Variants in HPS3 observed in about 807,000 individuals in gnomAD.
HPS3 encodes the protein HPS3 biogenesis of lysosomal organelles complex 2 subunit 1.
Under a neutral mutation model 110.9 loss-of-function variants are expected in HPS3, and 79 were observed. The observed-to-expected ratio is 0.71, with a 90% CI of 0.59 to 0.86. The LOEUF (loss-of-function observed/expected upper bound fraction) is 0.86. Ranked by LOEUF, HPS3 falls within the 40% of genes least tolerant of loss-of-function variation. The pLI is 0.00. For synonymous variants in HPS3, 428 were observed against 451.0 expected, an observed-to-expected ratio of 0.95 and a Z score of 0.65; for missense variants, 1,197 against 1,206.2, an observed-to-expected ratio of 0.99 and a Z score of 0.11.
chr3:149,151,589 A>T (rs1376064362), intron 6 of HPS3, among the ~76,000 whole-genome samples: 10 of 116,220 alleles, frequency 8.6e-5, no homozygotes, highest in African/African-American at 3.2e-4. Flanking sequence ...TTGGTTTCTA[A>T]AAAAAAAAAA....
chr3:149,130,608 C>T (rs1389320911), intron 1 of HPS3, among the ~76,000 whole-genome samples: 1 of 152,082 alleles, frequency 6.6e-6, no homozygotes, highest in Non-Finnish European at 1.5e-5. Flanking sequence ...ATTGAAACCC[C>T]GTCTGTACTA....
In HPS3 at chr3:149,160,222, G is replaced by A; in HGVS notation, c.2049G>A (p.Val683=). ...SILVTLTKAA[V]ALKMGDLDMH... ...TAGTGACATTGACCAAGGCAGCAGT[G>A]GCTCTGAAAATGGGAGATCTTGACA... Residue 683 remains valine, a synonymous_variant, in exon 11 of 17, where the codon GTG becomes GTA. Coordinates refer to ENST00000296051, the MANE Select transcript of HPS3 (RefSeq NM_032383.5). 6.2e-7 allele frequency: 1 copy of A among 1,613,878 alleles called. No individual in the cohort carries two copies. The highest frequency in any genetic ancestry group is 8.5e-7 in the Non-Finnish European group (1 of 1,179,880).
chr3:149,135,435 T>C (rs769235532), intron 1 of HPS3, among the ~76,000 whole-genome samples: 3 of 152,082 alleles, frequency 2.0e-5, no homozygotes, highest in African/African-American at 4.8e-5. Context: ...TGATAGTGAA[T>C]TCTCATGAGA....
At chr3:149,161,863 G>A (rs1013992909) in intron 11 of HPS3, among the ~76,000 whole-genome samples, 2 of 152,042 alleles carry the variant, frequency 1.3e-5, no homozygotes, top group South Asian at 2.1e-4. Context: ...TGGAACCCAC[G>A]AATACAGAAA....
intron 15 of HPS3, 29 bp downstream of exon 15, chr3:149,167,269 C>A: frequency 6.5e-7 from 1 of 1,548,052 alleles, no homozygotes; most frequent in Non-Finnish European, 8.9e-7. Context: ...TGTTTTTAGG[C>A]TTGATCAGTG....
At chr3:149,134,462 A>G (rs999350425) in intron 1 of HPS3, among the ~76,000 whole-genome samples, 26 of 152,178 alleles carry the variant, frequency 1.7e-4, no homozygotes, top group African/African-American at 6.3e-4. Context: ...TTCCAAGTGG[A>G]TGTTTATTTT....
Position 149,135,956 on chromosome 3 carries a change from A to G in HPS3, c.218-4048A>G, listed in dbSNP as rs1048702338. Among the ~76,000 whole-genome samples, 7 of 152,062 alleles carry G rather than the reference A, an allele frequency of 4.6e-5. No individual in the cohort carries two copies. In the South Asian group the frequency reaches 1.5e-3, roughly 32 times the overall value. On this transcript the variant is annotated intron_variant, in intron 1 of 16. Coordinates refer to ENST00000296051, the MANE Select transcript of HPS3 (RefSeq NM_032383.5). ...TAAATTATTTCTGCCTTGTGATTCA[A>G]TTTTGTCATAGGAGTACAGCCTTTG...
At chr3:149,157,847 T>A (rs556409058) in intron 9 of HPS3, among the ~76,000 whole-genome samples, 110 of 152,186 alleles carry the variant, frequency 7.2e-4, no homozygotes, top group Admixed American at 2.6e-3. Context: ...ATCCCTGACA[T>A]TAAAAACATA....
In HPS3 at chr3:149,173,707, A is replaced by G. The variant is rs1305808874; in HGVS notation, c.*1485A>G. 5 of 1,445,554 alleles carry G rather than the reference A, an allele frequency of 3.5e-6. No homozygotes were observed. Among genetic ancestry groups the G allele is most frequent in the Admixed American group, 1.8e-5 (1 of 54,650 alleles). 89.5% of individuals were successfully genotyped at this position (1,445,554 alleles called of 1,614,324 possible). On this transcript the variant is annotated 3_prime_UTR_variant, in exon 17 of 17. Coordinates refer to ENST00000296051, the MANE Select transcript of HPS3 (RefSeq NM_032383.5). The stretch of plus-strand genomic sequence containing the variant: ...TCTTTTTTCCACTTATCACCAATTT[A>G]TTTCATTCAGCCAGATTTGGTGTCT...
In HPS3 at chr3:149,157,499, A is replaced by G. The variant is rs1559919202; in HGVS notation, c.1659A>G (p.Glu553=). 1 of 1,613,832 alleles carries G rather than the reference A, an allele frequency of 6.2e-7. No homozygotes were observed. Among genetic ancestry groups the G allele is most frequent in the East Asian group, 2.2e-5 (1 of 44,876 alleles). The change falls in exon 9 of 17, where the codon GAA becomes GAG. Residue 553 remains glutamate, a synonymous_variant. Coordinates refer to ENST00000296051, the MANE Select transcript of HPS3 (RefSeq NM_032383.5). The part of the protein sequence containing the change: ...EKAELLEAFK[E]SCGHLGDCYS... ...CAGAGCTTTTGGAAGCATTTAAGGAAAGCTGTGGGCACCTTGGGGACTGTT... is the reference window on the plus strand; with the variant it reads ...CAGAGCTTTTGGAAGCATTTAAGGAGAGCTGTGGGCACCTTGGGGACTGTT...
chr3:149,129,846 G>A lies in HPS3; in HGVS notation c.123G>A (p.Val41=), dbSNP rs934094212. The A allele has an allele frequency of 1.2e-6, 2 of 1,603,262 alleles. No homozygotes were observed. Among genetic ancestry groups the A allele is most frequent in the Non-Finnish European group, 1.7e-6 (2 of 1,178,708 alleles). Residue 41 remains valine, a synonymous_variant, in exon 1 of 17, where the codon GTG becomes GTA. Transcript: ENST00000296051. ...TTTTCGTGGCGGCGGGCTGCAAGGT[G>A]GAGGCGTTCGCGGTGGCCGGCCAGG... ...DALFVAAGCK[V]EAFAVAGQEL...
chr3:149,163,048 C>G (rs1422923689), intron 13 of HPS3, among the ~76,000 whole-genome samples, 170 bp downstream of exon 13: 1 of 152,060 alleles, frequency 6.6e-6, no homozygotes, highest in African/African-American at 2.4e-5. Flanking sequence ...CTGAAGTGGC[C>G]TACATTTTAA....
At chr3:149,133,255 A>G (rs1721879120) in intron 1 of HPS3, among the ~76,000 whole-genome samples, 1 of 152,168 alleles carries the variant, frequency 6.6e-6, no homozygotes. Flanking sequence ...GGAAGAGTCA[A>G]TTGATGGAGC....
intron 14 of HPS3, among the ~76,000 whole-genome samples, 153 bp downstream of exon 14, chr3:149,164,102 A>T (rs552382894): frequency 1.3e-5 from 2 of 152,226 alleles, no homozygotes; most frequent in East Asian, 3.9e-4. Context: ...ACTTGGAGGG[A>T]ATGCCTGCCT....
At chr3:149,136,227 CACAA>C (rs1217423983) in intron 1 of HPS3, among the ~76,000 whole-genome samples, 3 of 151,738 alleles carry the variant, frequency 2.0e-5, no homozygotes, top group Non-Finnish European at 4.4e-5. Flanking sequence ...CACACACACA[CACAA>C]ATTAGCCAAG....
chr3:149,167,726 G>A (rs1052547877), intron 15 of HPS3, among the ~76,000 whole-genome samples, 167 bp from the exon 16 acceptor site: 2 of 152,118 alleles, frequency 1.3e-5, no homozygotes, highest in Non-Finnish European at 2.9e-5. Flanking sequence ...TTATAGTTAA[G>A]GCAGAAGACT....
chr3:149,129,674 C>G lies in HPS3; in HGVS notation c.-50C>G, dbSNP rs750659280. 1 of 1,418,366 alleles carries G rather than the reference C, an allele frequency of 7.1e-7. No individual in the cohort carries two copies. The allele number at this position is 1,418,366 out of a possible 1,614,324, so 87.9% of individuals were successfully genotyped here. ...TACATTCGCGGTCAGCGCGGGGTCT[C>G]CGGGCGCCCTGCAGGGCGGGCAGGC... On this transcript the variant is annotated 5_prime_UTR_variant, in exon 1 of 17. Transcript: ENST00000296051.
At chr3:149,130,104 C>G (rs1010548969) in intron 1 of HPS3, 164 bp downstream of exon 1, 1 of 669,244 alleles carries the variant, frequency 1.5e-6, no homozygotes, top group African/African-American at 1.8e-5. Flanking sequence ...CTTGAAGTCG[C>G]ATTGAGCTAT....
At chr3:149,131,906 CTT>C (rs1394955767) in intron 1 of HPS3, among the ~76,000 whole-genome samples, 2 of 152,208 alleles carry the variant, frequency 1.3e-5, no homozygotes, top group African/African-American at 4.8e-5. Flanking sequence ...AGGAAAAAAA[CTT>C]TGCTCTAGGT....
Sources: allele counts gnomAD v4.1 joint callset (sites outside exome capture counted in the v4.1 genomes callset), GRCh38; gene constraint gnomAD v4.1.1; transcripts MANE v1.5; gene names NCBI Gene and HGNC (gene_info 2026-07-23, HGNC 2026-07-21).